Variants in CALN1 observed in about 807,000 individuals in gnomAD.
The protein encoded by CALN1 is calcium-binding protein 8.
A neutral mutation model predicts 30.6 loss-of-function variants in CALN1; 17 were observed. That is an observed-to-expected ratio of 0.56 (90% CI 0.38 to 0.83). The LOEUF (loss-of-function observed/expected upper bound fraction) is 0.83, where lower values mean the gene tolerates loss of function less well. CALN1 is among the 40% of genes least tolerant of loss of function. The pLI is 0.00. For synonymous variants in CALN1, 156 were observed against 131.4 expected (o/e 1.19, Z -1.28); for missense variants, 291 against 354.9 (o/e 0.82, Z 1.45).
chr7:72,345,348 A>G (rs1466028770), intron 2 of CALN1, among the ~76,000 whole-genome samples: 1 of 130,654 alleles, frequency 7.7e-6, no homozygotes, highest in Non-Finnish European at 1.7e-5. Context: ...AAGTGGAAGG[A>G]AAGAAAGAGA....
intron 3 of CALN1, among the ~76,000 whole-genome samples, chr7:72,145,255 T>C (rs1217458502): frequency 2.7e-5 from 4 of 149,224 alleles, no homozygotes; most frequent in African/African-American, 9.9e-5. Context: ...GAGAGAAGAA[T>C]CAAATAGACA....
intron 3 of CALN1, among the ~76,000 whole-genome samples, chr7:72,145,430 G>T (rs1440895873): frequency 6.6e-6 from 1 of 152,156 alleles, no homozygotes; most frequent in Non-Finnish European, 1.5e-5. Flanking sequence ...GGAAGAAGTT[G>T]AATCTCTGAA....
chr7:71,879,073 A>C lies in CALN1; in HGVS notation c.502-68581T>G, dbSNP rs1261293370. Among the ~76,000 whole-genome samples the C allele has an allele frequency of 2.0e-5, 3 of 152,308 alleles. 1 individual carries two copies. In the East Asian group the frequency reaches 5.8e-4, roughly 29 times the overall value. ...TTTATTGTCTAAGAGTGAGTAGAAA[A>C]ATCTGCCTGTGTTTTTACCTGATGG... On this transcript the variant is annotated intron_variant, in intron 5 of 6. Coordinates refer to ENST00000395275, the MANE Select transcript of CALN1 (RefSeq NM_031468.4).
At chr7:72,099,349 T>A (rs1336103415) in intron 4 of CALN1, among the ~76,000 whole-genome samples, 2 of 148,330 alleles carry the variant, frequency 1.3e-5, no homozygotes, top group Non-Finnish European at 3.0e-5. Context: ...CTAATAAACA[T>A]CACTGCCATT....
intron 2 of CALN1, among the ~76,000 whole-genome samples, chr7:72,296,568 A>G (rs1183930938): frequency 2.2e-4 from 32 of 147,182 alleles, no homozygotes; most frequent in Non-Finnish European, 2.7e-4. Context: ...CAGAGATTCA[A>G]CTTCTTCCTG....
chr7:72,131,971 C>T (rs1809179949), intron 3 of CALN1, among the ~76,000 whole-genome samples: 1 of 152,150 alleles, frequency 6.6e-6, no homozygotes, highest in Non-Finnish European at 1.5e-5. Flanking sequence ...CTCTTCAAAC[C>T]CTCAATCCCA....
At chr7:72,258,996 G>A (rs551937714) in intron 3 of CALN1, among the ~76,000 whole-genome samples, 1 of 151,766 alleles carries the variant, frequency 6.6e-6, no homozygotes, top group Admixed American at 6.6e-5. Context: ...CAGGAGAATT[G>A]CTTGAACCTG....
chr7:72,220,015 C>T (rs1793157790), intron 3 of CALN1, among the ~76,000 whole-genome samples: 1 of 81,148 alleles, frequency 1.2e-5, no homozygotes. Context: ...ACCAAATTGG[C>T]AACAATTTTT....
At chr7:72,364,921 G>C (rs1307219279) in intron 2 of CALN1, among the ~76,000 whole-genome samples, 1 of 151,626 alleles carries the variant, frequency 6.6e-6, no homozygotes, top group Non-Finnish European at 1.5e-5. Flanking sequence ...TGCAATCCCA[G>C]CACTCTGGGA....
chr7:71,960,544 C>T (rs549703723), intron 5 of CALN1, among the ~76,000 whole-genome samples: 1 of 152,208 alleles, frequency 6.6e-6, no homozygotes, highest in East Asian at 1.9e-4. Flanking sequence ...TCCATGGTGT[C>T]TATGTACCAC....
At chr7:72,316,875 T>C (rs1800490617) in intron 2 of CALN1, among the ~76,000 whole-genome samples, 2 of 148,494 alleles carry the variant, frequency 1.3e-5, no homozygotes, top group Non-Finnish European at 1.5e-5. Flanking sequence ...AGCTCAGGAG[T>C]TCAAGGCTAC....
chr7:71,940,819 C>T (rs1458120955), intron 5 of CALN1, among the ~76,000 whole-genome samples: 1 of 152,036 alleles, frequency 6.6e-6, no homozygotes, highest in East Asian at 1.9e-4. Flanking sequence ...TGCCATGGTG[C>T]CCAGGCTGAT....
chr7:72,098,762 G>A (rs13227418), intron 4 of CALN1, among the ~76,000 whole-genome samples: 63,031 of 115,030 alleles, frequency 0.55, 14,308 homozygotes, highest in East Asian at 0.82. Flanking sequence ...CCCATTTGGC[G>A]CGCACACACA....
chr7:72,070,174 C>T (rs1460629961), intron 4 of CALN1, among the ~76,000 whole-genome samples: 1 of 152,174 alleles, frequency 6.6e-6, no homozygotes, highest in Non-Finnish European at 1.5e-5. Context: ...GGTCAGTCAA[C>T]TATAACAACA....
the CALN1 span, among the ~76,000 whole-genome samples, chr7:72,494,796 G>T: frequency 6.6e-6 from 1 of 152,270 alleles, no homozygotes; most frequent in African/African-American, 2.4e-5. Flanking sequence ...GAGCTCAAGA[G>T]TTCGAGGCTG....
chr7:71,927,227 T>G (rs1795314965), intron 5 of CALN1, among the ~76,000 whole-genome samples: 1 of 145,094 alleles, frequency 6.9e-6, no homozygotes, highest in Admixed American at 6.9e-5. Context: ...TGTGTTTTTT[T>G]GAGACAGAGT....
intron 3 of CALN1, among the ~76,000 whole-genome samples, chr7:72,154,467 G>A (rs1168559179): frequency 6.6e-6 from 1 of 152,206 alleles, no homozygotes; most frequent in African/African-American, 2.4e-5. Flanking sequence ...TATAAAAGCA[G>A]AAGGTAAACT....
At chr7:72,135,715 A>C (rs757166054) in intron 3 of CALN1, among the ~76,000 whole-genome samples, 4 of 152,234 alleles carry the variant, frequency 2.6e-5, no homozygotes, top group Non-Finnish European at 5.9e-5. Flanking sequence ...CACTGGCTTC[A>C]GCTTACAGTC....
At chr7:72,351,066 G>A (rs1158423617) in intron 2 of CALN1, among the ~76,000 whole-genome samples, 6 of 152,134 alleles carry the variant, frequency 3.9e-5, no homozygotes, top group African/African-American at 4.8e-5. Context: ...ACTGGAACCC[G>A]GGAGGTGGAG....
Sources: allele counts gnomAD v4.1 joint callset (sites outside exome capture counted in the v4.1 genomes callset), GRCh38; gene constraint gnomAD v4.1.1; transcripts MANE v1.5; gene names NCBI Gene and HGNC (gene_info 2026-07-23, HGNC 2026-07-21).